DNAJC15: variants seen among roughly 807,000 people sequenced by gnomAD.
The protein encoded by DNAJC15 is DnaJ heat shock protein family (Hsp40) member C15, also known as dnaJ homolog subfamily C member 15.
DNAJC15 carries 27 observed loss-of-function variants against 22.4 expected under a neutral mutation model. The observed-to-expected ratio is 1.20, with a 90% CI of 0.89 to 1.66. The LOEUF is 1.66. DNAJC15 is among the 40% of genes most tolerant of loss of function. DNAJC15 has a pLI of 0.00. For synonymous variants in DNAJC15, 79 were observed against 63.2 expected (o/e 1.25, Z -1.19); for missense variants, 208 against 187.1 (o/e 1.11, Z -0.65).
intron 3 of DNAJC15, among the ~76,000 whole-genome samples, chr13:43,073,224 C>T (rs546014358): frequency 6.6e-6 from 1 of 152,186 alleles, no homozygotes; most frequent in South Asian, 2.1e-4. Context: ...TGACAGTGGG[C>T]TGTAAATAAC....
In DNAJC15 at chr13:43,066,643, T is replaced by G. The variant is rs971922815; in HGVS notation, c.160+906T>G. Among the ~76,000 whole-genome samples the G allele has an allele frequency of 3.3e-5, 5 of 152,286 alleles. No individual in the cohort carries two copies. The East Asian group carries it at 9.6e-4, about 29-fold the overall frequency. ...GCACAATGCTAGTTTTTCTTTTTTT[T>G]GAGACGGAGTCTTGCTCTGCCCAGG... On this transcript the variant is annotated intron_variant, in intron 2 of 5. Coordinates refer to ENST00000379221, the MANE Select transcript of DNAJC15 (RefSeq NM_013238.3).
At chr13:43,100,667 G>A (rs889081034) in intron 5 of DNAJC15, among the ~76,000 whole-genome samples, 3 of 152,094 alleles carry the variant, frequency 2.0e-5, no homozygotes, top group African/African-American at 7.2e-5. Context: ...AACTTATTAA[G>A]GTTTGTTTTG....
At position 43,107,562 on chromosome 13, in the gene DNAJC15, A is replaced by C; in HGVS notation, c.*314A>C. ...ACACACACACACACACACACGTGCAAAAAATATGATCAAGAATGCAATTGG... is the reference window on the plus strand; with the variant it reads ...ACACACACACACACACACACGTGCACAAAATATGATCAAGAATGCAATTGG... On this transcript the variant is annotated 3_prime_UTR_variant, in exon 6 of 6. Transcript: ENST00000379221. 2.0e-5 allele frequency: 3 copies of C among 153,290 alleles called. No individual in the cohort carries two copies. The highest frequency in any genetic ancestry group is 4.2e-5 in the Non-Finnish European group (3 of 71,142). The allele number at this position is 153,290 out of a possible 1,614,324, so 9.5% of individuals were successfully genotyped here. A position where few individuals can be genotyped will look rare whatever the true frequency, so the allele number is the denominator to read the frequency against.
rs921741090 is a variant in DNAJC15, at chr13:43,113,821, A to G, written c.*6573A>G. The G allele has an allele frequency of 7.2e-5, 11 of 152,190 alleles. No homozygotes were observed. The highest frequency in any genetic ancestry group is 1.6e-4 in the Non-Finnish European group (11 of 68,044). 9.4% of individuals were successfully genotyped at this position (152,190 alleles called of 1,614,324 possible). On this transcript the variant is annotated 3_prime_UTR_variant, in exon 6 of 6. Transcript: ENST00000379221. Reference sequence around the variant, plus strand: ...GTGAGACTATATTTGTATAGTCTGCATCTCTCAGGCTGCCCCAGAATGTTG... The same window carrying G: ...GTGAGACTATATTTGTATAGTCTGCGTCTCTCAGGCTGCCCCAGAATGTTG...
At chr13:43,098,143 G>A (rs985644211) in intron 5 of DNAJC15, among the ~76,000 whole-genome samples, 2 of 152,204 alleles carry the variant, frequency 1.3e-5, no homozygotes, top group African/African-American at 4.8e-5. Context: ...TATATGTGAA[G>A]TCCCTCTTGT....
rs150741717 is a variant in DNAJC15 at position 43,110,908 on chromosome 13, C to A, written c.*3660C>A. 1 of 152,178 alleles carries A rather than the reference C, an allele frequency of 6.6e-6. No individual in the cohort carries two copies. Among genetic ancestry groups the A allele is most frequent in the African/African-American group, 2.4e-5 (1 of 41,434 alleles). 9.4% of individuals were successfully genotyped at this position (152,178 alleles called of 1,614,324 possible). On this transcript the variant is annotated 3_prime_UTR_variant, in exon 6 of 6. Transcript: ENST00000379221. Reference sequence around the variant, plus strand: ...GGTTACCTGTCTTCAGTAAAGATTGCGCTTGCATATTTGCTGTCATTGCAT... The same window carrying A: ...GGTTACCTGTCTTCAGTAAAGATTGAGCTTGCATATTTGCTGTCATTGCAT...
chr13:43,046,999 T>C (rs1447774686), intron 1 of DNAJC15, among the ~76,000 whole-genome samples: 4 of 152,098 alleles, frequency 2.6e-5, no homozygotes, highest in South Asian at 4.1e-4. Flanking sequence ...CAGCTTCTAA[T>C]AGCTATAATA....
At chr13:43,073,091 C>A in intron 3 of DNAJC15, among the ~76,000 whole-genome samples, 1 of 152,110 alleles carries the variant, frequency 6.6e-6, no homozygotes, top group East Asian at 1.9e-4. Flanking sequence ...GCTCAAATGT[C>A]CAGTGATCCT....
At chr13:43,091,775 AT>A (rs151318134) in intron 5 of DNAJC15, among the ~76,000 whole-genome samples, 6,546 of 151,738 alleles carry the variant, frequency 0.043, 485 homozygotes, top group African/African-American at 0.15. Context: ...TTTCATTATG[AT>A]TTTTTTTCTT....
Position 43,111,046 on chromosome 13 carries a change from A to C in DNAJC15, c.*3798A>C, listed in dbSNP as rs894813945. On this transcript the variant is annotated 3_prime_UTR_variant, in exon 6 of 6. Transcript: ENST00000379221. ...AAAAATAAAACAATTCCGATTGCAG[A>C]GAAAGTGTAAGTCAAGGACAGTTAA... The C allele has an allele frequency of 6.6e-6, 1 of 152,256 alleles. No individual in the cohort carries two copies. The highest frequency in any genetic ancestry group is 1.5e-5 in the Non-Finnish European group (1 of 68,048). 9.4% of individuals were successfully genotyped at this position (152,256 alleles called of 1,614,324 possible).
chr13:43,025,659 A>G (rs941907376), intron 1 of DNAJC15, among the ~76,000 whole-genome samples: 3 of 152,174 alleles, frequency 2.0e-5, no homozygotes, highest in African/African-American at 7.2e-5. Flanking sequence ...AATCCCAGCA[A>G]TTTGGGAGGC....
At chr13:43,033,462 CAT>C (rs1018499452) in intron 1 of DNAJC15, among the ~76,000 whole-genome samples, 1 of 152,090 alleles carries the variant, frequency 6.6e-6, no homozygotes, top group African/African-American at 2.4e-5. Context: ...TAACCCAAGT[CAT>C]ATTTTATTCA....
intron 5 of DNAJC15, among the ~76,000 whole-genome samples, chr13:43,088,370 C>G (rs976454398): frequency 1.3e-5 from 2 of 152,194 alleles, no homozygotes; most frequent in Admixed American, 6.5e-5. Flanking sequence ...GCTTTCTGCT[C>G]TGTCCCGGGG....
At chr13:43,037,485 G>A (rs918615627) in intron 1 of DNAJC15, among the ~76,000 whole-genome samples, 1 of 152,164 alleles carries the variant, frequency 6.6e-6, no homozygotes, top group Non-Finnish European at 1.5e-5. Flanking sequence ...CTTGAAGAAT[G>A]TAAGGAAGAA....
chr13:43,054,858 C>T (rs1413527739), intron 1 of DNAJC15, among the ~76,000 whole-genome samples: 1 of 152,096 alleles, frequency 6.6e-6, no homozygotes, highest in Non-Finnish European at 1.5e-5. Flanking sequence ...TCCCTTCTAA[C>T]CTCATGCAGT....
intron 5 of DNAJC15, among the ~76,000 whole-genome samples, chr13:43,106,535 TAC>T (rs2040797589): frequency 6.6e-6 from 1 of 152,118 alleles, no homozygotes; most frequent in African/African-American, 2.4e-5. Flanking sequence ...AATCCAAAAC[TAC>T]ACTCTGTAAA....
intron 1 of DNAJC15, among the ~76,000 whole-genome samples, chr13:43,051,955 A>AT (rs564962377): frequency 7.3e-4 from 111 of 152,014 alleles, no homozygotes; most frequent in African/African-American, 2.4e-3. Flanking sequence ...AACATCTATT[A>AT]TTTTTTGATT....
intron 1 of DNAJC15, among the ~76,000 whole-genome samples, chr13:43,037,533 A>C (rs529320310): frequency 1.1e-4 from 17 of 152,324 alleles, no homozygotes; most frequent in Admixed American, 3.3e-4. Flanking sequence ...GACAGGTCAG[A>C]GGGTTTTCTG....
intron 3 of DNAJC15, among the ~76,000 whole-genome samples, chr13:43,076,601 A>G (rs1214096662): frequency 6.6e-6 from 1 of 152,158 alleles, no homozygotes; most frequent in Non-Finnish European, 1.5e-5. Flanking sequence ...ATTTTTCCCT[A>G]CTTTTGTAAG....
Sources: gnomAD v4.1 joint callset for allele counts (sites outside exome capture counted in the v4.1 genomes callset) on GRCh38, gnomAD v4.1.1 for gene constraint, MANE v1.5 for transcripts, NCBI Gene and HGNC (gene_info 2026-07-23, HGNC 2026-07-21) for gene names.